Variants in CCDC149 observed in about 807,000 individuals in gnomAD.
CCDC149 encodes coiled-coil domain-containing protein 149.
In CCDC149, 45 loss-of-function variants were observed where a neutral mutation model predicts 59.9. That is an observed-to-expected ratio of 0.75 (90% confidence interval 0.59 to 0.96). CCDC149 has a LOEUF of 0.96. CCDC149 is among the 40% of genes least tolerant of loss of function. The probability of loss-of-function intolerance (pLI) is 0.00; values close to 1 mark genes in which losing one functional copy is unlikely to be tolerated. For missense variants in CCDC149, 584 were observed against 664.7 expected (o/e 0.88, Z 1.33); for synonymous variants, 245 against 260.6 (o/e 0.94, Z 0.58).
intron 1 of CCDC149, among the ~76,000 whole-genome samples, chr4:24,898,111 C>T (rs752073891): frequency 6.6e-6 from 1 of 152,162 alleles, no homozygotes; most frequent in Non-Finnish European, 1.5e-5. Context: ...ATCATGTTGA[C>T]AGTCAGCAGC....
intron 3 of CCDC149, among the ~76,000 whole-genome samples, chr4:24,863,899 G>A (rs1332846871): frequency 1.3e-5 from 2 of 152,240 alleles, no homozygotes; most frequent in Non-Finnish European, 2.9e-5. Flanking sequence ...ATGGATGCAG[G>A]ACACAGCGGT....
At chr4:24,868,995 T>C (rs1474313957) in intron 3 of CCDC149, among the ~76,000 whole-genome samples, 1 of 152,228 alleles carries the variant, frequency 6.6e-6, no homozygotes, top group East Asian at 1.9e-4. Flanking sequence ...AATGAGGTCA[T>C]CTACAGCAAA....
At chr4:24,819,255 C>T (rs1385896130) in intron 12 of CCDC149, among the ~76,000 whole-genome samples, 1 of 152,232 alleles carries the variant, frequency 6.6e-6, no homozygotes, top group Non-Finnish European at 1.5e-5. Flanking sequence ...GTCTCCAGCC[C>T]AAGTTCTCAT....
intron 12 of CCDC149, among the ~76,000 whole-genome samples, chr4:24,813,053 G>C (rs772257013): frequency 6.6e-6 from 1 of 152,174 alleles, no homozygotes; most frequent in African/African-American, 2.4e-5. Flanking sequence ...CAGTGTGATG[G>C]TATTTGGAGG....
intron 1 of CCDC149, among the ~76,000 whole-genome samples, chr4:24,878,948 C>T (rs1024593855): frequency 2.0e-5 from 3 of 152,322 alleles, no homozygotes; most frequent in Middle Eastern, 3.4e-3. Flanking sequence ...GGCAGTAAAA[C>T]GCCTCCCTTG....
intron 3 of CCDC149, among the ~76,000 whole-genome samples, chr4:24,869,790 T>C (rs1312684985): frequency 2.0e-5 from 3 of 152,194 alleles, no homozygotes; most frequent in Non-Finnish European, 4.4e-5. Context: ...GATGAGAACA[T>C]TGAGACTCAA....
intron 12 of CCDC149, among the ~76,000 whole-genome samples, chr4:24,817,417 C>T (rs1409215879): frequency 1.3e-5 from 2 of 152,078 alleles, no homozygotes; most frequent in African/African-American, 4.8e-5. Context: ...AAATTCTCCC[C>T]ACAGGTACCT....
intron 1 of CCDC149, among the ~76,000 whole-genome samples, chr4:24,883,872 G>A (rs1409483592): frequency 6.6e-6 from 1 of 152,156 alleles, no homozygotes; most frequent in Admixed American, 6.6e-5. Context: ...GTCTTTCCTA[G>A]AGACACGTAA....
intron 12 of CCDC149, among the ~76,000 whole-genome samples, chr4:24,819,313 A>C (rs529974016): frequency 2.0e-5 from 3 of 152,120 alleles, no homozygotes; most frequent in Non-Finnish European, 4.4e-5. Flanking sequence ...GTCCAACTCC[A>C]GGGTCCTCAC....
chr4:24,942,411 C>T (rs2109349239), intron 1 of CCDC149, among the ~76,000 whole-genome samples: 1 of 152,138 alleles, frequency 6.6e-6, no homozygotes, highest in East Asian at 1.9e-4. Context: ...ATAATAAGAG[C>T]TATCTATGAC....
At chr4:24,820,426 T>C (rs1255053268) in intron 11 of CCDC149, among the ~76,000 whole-genome samples, 1 of 151,744 alleles carries the variant, frequency 6.6e-6, no homozygotes, top group Non-Finnish European at 1.5e-5. Context: ...TGAGAGAGAG[T>C]TGGCAATTCT....
At chr4:24,819,231 A>C (rs1715202612) in intron 12 of CCDC149, among the ~76,000 whole-genome samples, 1 of 152,246 alleles carries the variant, frequency 6.6e-6, no homozygotes, top group South Asian at 2.1e-4. Context: ...AAAGGAAAGG[A>C]AACTGAGGCT....
At chr4:24,929,683 C>T (rs777869183) in intron 1 of CCDC149, among the ~76,000 whole-genome samples, 70 of 152,190 alleles carry the variant, frequency 4.6e-4, no homozygotes, top group Non-Finnish European at 9.3e-4. Flanking sequence ...TGATTTCCTC[C>T]CTCTGTGCCT....
chr4:24,976,943 A>G (rs970574171), intron 1 of CCDC149, among the ~76,000 whole-genome samples: 3 of 152,200 alleles, frequency 2.0e-5, no homozygotes, highest in Admixed American at 6.5e-5. Context: ...CAGGATGCCT[A>G]TCCAGGCTTG....
intron 1 of CCDC149, among the ~76,000 whole-genome samples, chr4:24,937,568 C>G (rs1418801686): frequency 6.6e-6 from 1 of 152,248 alleles, no homozygotes; most frequent in Non-Finnish European, 1.5e-5. Context: ...GCATGAGGCT[C>G]TGTGCCATGT....
upstream of CCDC149, among the ~76,000 whole-genome samples, chr4:24,914,064 T>G (rs570530341): frequency 1.3e-5 from 2 of 152,246 alleles, no homozygotes; most frequent in East Asian, 3.9e-4. Context: ...AACATTTATT[T>G]ATAATTTTTA....
At chr4:24,821,874 T>C (rs1023971954) in intron 10 of CCDC149, among the ~76,000 whole-genome samples, 5 of 152,076 alleles carry the variant, frequency 3.3e-5, no homozygotes, top group African/African-American at 1.2e-4. Flanking sequence ...AAACACAGTG[T>C]ACAACTGGAA....
intron 1 of CCDC149, among the ~76,000 whole-genome samples, chr4:24,923,169 T>A (rs372998273): frequency 3.9e-5 from 6 of 152,152 alleles, no homozygotes; most frequent in Admixed American, 3.3e-4. Context: ...GCATAATAAC[T>A]ATGGGGACAA....
At position 24,933,490 on chromosome 4, in the gene CCDC149, T is replaced by C. The variant is rs190891358; in HGVS notation, c.-64-38372A>G. Among the ~76,000 whole-genome samples the C allele has an allele frequency of 1.1e-3, 169 of 152,316 alleles. 2 individuals carry two copies. The highest frequency in any genetic ancestry group is 3.9e-3 in the African/African-American group (164 of 41,566). ...AAAAAAATGTGTCTATGAAGATGAG[T>C]ATAATTTTTTGTGGAAAGTTAAGGC... On this transcript the variant is annotated intron_variant, in intron 1 of 12. Transcript: ENST00000389609.
Sources: allele counts gnomAD v4.1 joint callset (sites outside exome capture counted in the v4.1 genomes callset), GRCh38; gene constraint gnomAD v4.1.1; transcripts MANE v1.5; gene names NCBI Gene and HGNC (gene_info 2026-07-23, HGNC 2026-07-21).